The following COL22A1 variants were observed in gnomAD, a reference collection of about 807,000 sequenced individuals.
COL22A1 encodes collagen alpha-1(XXII) chain.
COL22A1 carries 221 observed loss-of-function variants against 248.9 expected under a neutral mutation model. That is an observed-to-expected ratio of 0.89 (90% CI 0.80 to 0.99). The LOEUF (loss-of-function observed/expected upper bound fraction) is 0.99, where lower values mean the gene tolerates loss of function less well. COL22A1 is among the 50% of genes least tolerant of loss of function. The pLI, the probability that COL22A1 is intolerant of heterozygous loss-of-function variation, is 0.00. For synonymous variants in COL22A1, 891 were observed against 793.4 expected (o/e 1.12, Z -2.07); for missense variants, 2,240 against 2,179.0 (o/e 1.03, Z -0.56).
chr8:138,907,745 G>T (rs1417771915), intron 1 of COL22A1, among the ~76,000 whole-genome samples: 1 of 152,212 alleles, frequency 6.6e-6, no homozygotes, highest in Non-Finnish European at 1.5e-5. Flanking sequence ...CAGGCATCCA[G>T]CGAGGGTAAC....
chr8:138,692,280 A>AG (rs1564201834), intron 35 of COL22A1, among the ~76,000 whole-genome samples: 717 of 3,750 alleles, frequency 0.19, 1 homozygote, highest in Middle Eastern at 0.25. Context: ...TTGTGTGCAC[A>AG]TGCATGTGTG....
intron 23 of COL22A1, among the ~76,000 whole-genome samples, chr8:138,731,892 A>G (rs1426588393): frequency 6.6e-6 from 1 of 152,136 alleles, no homozygotes; most frequent in Non-Finnish European, 1.5e-5. Flanking sequence ...GTTTGGACCA[A>G]TCTTCTTTGG....
chr8:138,732,172 A>G (rs10099502), intron 23 of COL22A1, among the ~76,000 whole-genome samples: 10,974 of 152,242 alleles, frequency 0.072, 651 homozygotes, highest in African/African-American at 0.17. Context: ...AAATGTCTAG[A>G]AAGCCAAAGA....
chr8:138,816,001 T>C (rs1316686031), intron 7 of COL22A1, among the ~76,000 whole-genome samples: 1 of 152,208 alleles, frequency 6.6e-6, no homozygotes, highest in Admixed American at 6.5e-5. Flanking sequence ...CATTCATCTG[T>C]CTGTTTTATT....
chr8:138,821,009 A>G, intron 7 of COL22A1, 127 bp downstream of exon 7: 1 of 1,046,130 alleles, frequency 9.6e-7, no homozygotes, highest in Admixed American at 2.6e-5. Context: ...TTTCCTTCTA[A>G]GACGGTCCAA....
chr8:138,869,646 C>T (rs1432796525), intron 3 of COL22A1, among the ~76,000 whole-genome samples: 2 of 151,644 alleles, frequency 1.3e-5, no homozygotes, highest in Non-Finnish European at 3.0e-5. Context: ...CAGTAATTTT[C>T]ACATAAAATT....
At chr8:138,780,789 C>T (rs891522266) in intron 13 of COL22A1, 138 bp downstream of exon 13, 86 of 748,256 alleles carry the variant, frequency 1.1e-4, no homozygotes, top group African/African-American at 9.8e-4. Flanking sequence ...CTGGTATCTG[C>T]GAGGATCCTA....
chr8:138,695,533 G>T (rs1195842572), intron 32 of COL22A1, among the ~76,000 whole-genome samples: 1 of 152,002 alleles, frequency 6.6e-6, no homozygotes, highest in Non-Finnish European at 1.5e-5. Context: ...AGCTGGGGAG[G>T]GGTGCTTAAC....
At chr8:138,685,135 G>A (rs754471340) in intron 38 of COL22A1, 73 bp downstream of exon 38, 27 of 1,091,182 alleles carry the variant, frequency 2.5e-5, no homozygotes, top group Non-Finnish European at 3.3e-5. Context: ...TTGGCAGTTA[G>A]ATTTTTTTCC....
At chr8:138,741,846 G>T (rs1831588151) in intron 22 of COL22A1, among the ~76,000 whole-genome samples, 2 of 152,212 alleles carry the variant, frequency 1.3e-5, no homozygotes, top group South Asian at 4.1e-4. Flanking sequence ...TAATGGTGGT[G>T]GTGGCGGTGA....
At chr8:138,715,838 T>A in intron 29 of COL22A1, 103 bp from the exon 30 acceptor site, 1 of 817,956 alleles carries the variant, frequency 1.2e-6, no homozygotes, top group Non-Finnish European at 2.0e-6. Flanking sequence ...CATACATGTA[T>A]ATATTTCTCT....
intron 47 of COL22A1, among the ~76,000 whole-genome samples, chr8:138,639,124 T>G (rs1821449548): frequency 6.6e-6 from 1 of 152,210 alleles, no homozygotes; most frequent in Admixed American, 6.5e-5. Flanking sequence ...ATTTAATATG[T>G]CTTTATTCTC....
At chr8:138,860,625 T>C (rs142472115) in intron 3 of COL22A1, among the ~76,000 whole-genome samples, 57 of 152,202 alleles carry the variant, frequency 3.7e-4, no homozygotes, top group Admixed American at 9.2e-4. Flanking sequence ...CTGGGCAATA[T>C]AGTGAAACCC....
rs76911868 is a variant in COL22A1 at position 138,855,364 on chromosome 8, G to A, written c.659-11206C>T. Among the ~76,000 whole-genome samples, 1,395 of 152,294 alleles carry A rather than the reference G, an allele frequency of 9.2e-3. 20 individuals are homozygous for A. The highest frequency in any genetic ancestry group is 0.032 in the African/African-American group (1,339 of 41,552). ...AGCCCCTCATCCAAAGTCACAGGAC[G>A]GGTAGGTGACAGAGCCAGCATTTGA... On this transcript the variant is annotated intron_variant, in intron 3 of 64. Coordinates refer to ENST00000303045, the MANE Select transcript of COL22A1 (RefSeq NM_152888.3).
intron 21 of COL22A1, among the ~76,000 whole-genome samples, chr8:138,754,344 G>C (rs1330168981): frequency 2.6e-5 from 4 of 152,076 alleles, no homozygotes; most frequent in Non-Finnish European, 1.5e-5. Flanking sequence ...CAAAATCTTT[G>C]ATATAAAATT....
intron 3 of COL22A1, among the ~76,000 whole-genome samples, chr8:138,873,129 C>T (rs1222079933): frequency 6.6e-6 from 1 of 152,172 alleles, no homozygotes; most frequent in African/African-American, 2.4e-5. Flanking sequence ...AAGACTTCCA[C>T]ACCTGTCCCC....
chr8:138,595,201 C>T (rs1817423388), intron 62 of COL22A1, among the ~76,000 whole-genome samples: 3 of 152,124 alleles, frequency 2.0e-5, no homozygotes, highest in African/African-American at 7.2e-5. Context: ...GAGTGTCTCC[C>T]TCCTACTACT....
At chr8:138,661,074 A>ACACC (rs1823911389) in intron 43 of COL22A1, among the ~76,000 whole-genome samples, 1 of 134,424 alleles carries the variant, frequency 7.4e-6, no homozygotes, top group African/African-American at 2.8e-5. Context: ...CCACATACAC[A>ACACC]TACATACACA....
At chr8:138,612,505 C>T (rs942373073) in intron 56 of COL22A1, among the ~76,000 whole-genome samples, 4 of 152,122 alleles carry the variant, frequency 2.6e-5, no homozygotes, top group Admixed American at 2.6e-4. Flanking sequence ...TTTTTAAGTC[C>T]TAACATTCAG....
Sources: gnomAD v4.1 joint callset for allele counts (sites outside exome capture counted in the v4.1 genomes callset) on GRCh38, gnomAD v4.1.1 for gene constraint, MANE v1.5 for transcripts, NCBI Gene and HGNC (gene_info 2026-07-23, HGNC 2026-07-21) for gene names.